Variants in CNTNAP5 observed in about 807,000 individuals in gnomAD.
The protein encoded by CNTNAP5 is contactin-associated protein-like 5.
Under a neutral mutation model 150.2 loss-of-function variants are expected in CNTNAP5, and 72 were observed. The observed-to-expected ratio is 0.48, with a 90% CI of 0.40 to 0.58. The LOEUF is 0.58. Ranked by LOEUF, CNTNAP5 falls within the 20% of genes least tolerant of loss-of-function variation. The pLI is 0.00. For missense variants in CNTNAP5, 1,636 were observed against 1,626.2 expected, an observed-to-expected ratio of 1.01 and a Z score of -0.10; for synonymous variants, 672 against 619.8, an observed-to-expected ratio of 1.08 and a Z score of -1.25.
At chr2:124,909,826 CAT>C (rs368913883) in intron 22 of CNTNAP5, among the ~76,000 whole-genome samples, 2,089 of 74,598 alleles carry the variant, frequency 0.028, 32 homozygotes, top group African/African-American at 0.043. Flanking sequence ...CAATTGGTGA[CAT>C]ATATATATAT....
chr2:124,177,959 G>T (rs1157496572), intron 1 of CNTNAP5, among the ~76,000 whole-genome samples: 1 of 151,362 alleles, frequency 6.6e-6, no homozygotes, highest in Non-Finnish European at 1.5e-5. Context: ...CAATTCTCCT[G>T]CCTCAGTCTC....
chr2:124,385,068 C>T (rs1052885281), intron 3 of CNTNAP5, among the ~76,000 whole-genome samples: 5 of 152,142 alleles, frequency 3.3e-5, no homozygotes, highest in African/African-American at 1.2e-4. Flanking sequence ...AGGCACCCAA[C>T]CCTTGAGCAA....
At chr2:124,748,965 A>G (rs1284745783) in intron 14 of CNTNAP5, among the ~76,000 whole-genome samples, 1 of 152,190 alleles carries the variant, frequency 6.6e-6, no homozygotes, top group Non-Finnish European at 1.5e-5. Flanking sequence ...GCGGATGCCT[A>G]CAAACCAACT....
intron 1 of CNTNAP5, among the ~76,000 whole-genome samples, chr2:124,058,018 A>T (rs1240892884): frequency 6.6e-6 from 1 of 152,182 alleles, no homozygotes; most frequent in Non-Finnish European, 1.5e-5. Context: ...AAATAAGTTA[A>T]TAAGCATAGC....
intron 3 of CNTNAP5, among the ~76,000 whole-genome samples, chr2:124,348,513 T>C (rs1689795457): frequency 6.6e-6 from 1 of 152,192 alleles, no homozygotes; most frequent in African/African-American, 2.4e-5. Flanking sequence ...TAAAGAAATG[T>C]TCTAATAATA....
At chr2:124,565,067 G>C (rs1281204136) in intron 11 of CNTNAP5, among the ~76,000 whole-genome samples, 1 of 152,068 alleles carries the variant, frequency 6.6e-6, no homozygotes, top group Non-Finnish European at 1.5e-5. Context: ...CCAAGGATAA[G>C]TAACGTTGAT....
chr2:124,449,686 C>A (rs1381540510), intron 6 of CNTNAP5, among the ~76,000 whole-genome samples: 2 of 152,136 alleles, frequency 1.3e-5, no homozygotes, highest in African/African-American at 4.8e-5. Flanking sequence ...AGGAAAGAGG[C>A]ACCTTGAAAC....
chr2:124,332,474 T>G (rs1689373761), intron 3 of CNTNAP5, among the ~76,000 whole-genome samples: 1 of 151,412 alleles, frequency 6.6e-6, no homozygotes, highest in Non-Finnish European at 1.5e-5. Flanking sequence ...CAATGTGGAA[T>G]AGTACATATT....
intron 1 of CNTNAP5, among the ~76,000 whole-genome samples, chr2:124,188,892 A>T (rs1685397560): frequency 6.6e-6 from 1 of 152,080 alleles, no homozygotes; most frequent in African/African-American, 2.4e-5. Context: ...GAAAAATTGG[A>T]TTAATCATAA....
At chr2:124,555,525 C>A (rs1356577383) in intron 10 of CNTNAP5, among the ~76,000 whole-genome samples, 3 of 152,206 alleles carry the variant, frequency 2.0e-5, no homozygotes, top group African/African-American at 7.2e-5. Context: ...TTGATGAACT[C>A]TTACATTTTT....
chr2:124,413,373 A>G (rs1691828474), intron 3 of CNTNAP5, among the ~76,000 whole-genome samples: 1 of 149,086 alleles, frequency 6.7e-6, no homozygotes, highest in Middle Eastern at 3.2e-3. Context: ...CAGCCATCCC[A>G]TTACTGGGTA....
intron 19 of CNTNAP5, among the ~76,000 whole-genome samples, chr2:124,822,804 A>G (rs954968436): frequency 5.3e-5 from 8 of 152,184 alleles, no homozygotes; most frequent in Non-Finnish European, 1.2e-4. Context: ...TAGACAGTGT[A>G]TGTCTTGCTA....
At chr2:124,211,104 AG>A (rs1246022491) in intron 1 of CNTNAP5, among the ~76,000 whole-genome samples, 1 of 152,222 alleles carries the variant, frequency 6.6e-6, no homozygotes, top group Middle Eastern at 3.2e-3. Context: ...TTGGAGCATA[AG>A]TAATGCATAA....
Position 124,036,492 on chromosome 2 carries a change from G to A in CNTNAP5, c.82+10760G>A, listed in dbSNP as rs74915150. Among the ~76,000 whole-genome samples, 137 of 152,154 alleles carry A rather than the reference G, an allele frequency of 9.0e-4. 4 individuals carry two copies. The East Asian group carries it at 0.025, about 28-fold the overall frequency. ...ACCTTTGAGTGAATGTGCTCTGTCA[G>A]TTGACAGTAATGGGGTCAACCAGGG... On this transcript the variant is annotated intron_variant, in intron 1 of 23. Coordinates refer to ENST00000682447, the MANE Select transcript of CNTNAP5 (RefSeq NM_001367498.1).
chr2:124,561,373 A>G (rs753526304), intron 10 of CNTNAP5, among the ~76,000 whole-genome samples: 1 of 152,134 alleles, frequency 6.6e-6, no homozygotes, highest in African/African-American at 2.4e-5. Context: ...TCAAGGCTCT[A>G]AGTTTTTGGA....
At chr2:124,448,743 G>A (rs142842863) in intron 6 of CNTNAP5, among the ~76,000 whole-genome samples, 3 of 150,024 alleles carry the variant, frequency 2.0e-5, no homozygotes, top group Non-Finnish European at 4.4e-5. Context: ...ATATGACAGA[G>A]ACTCTAAGTG....
chr2:124,883,605 T>C (rs990784418), intron 21 of CNTNAP5, among the ~76,000 whole-genome samples: 5 of 152,146 alleles, frequency 3.3e-5, no homozygotes, highest in African/African-American at 1.2e-4. Flanking sequence ...TATACATGTA[T>C]ATGTATGTCC....
chr2:124,051,728 T>C (rs1040355690), intron 1 of CNTNAP5, among the ~76,000 whole-genome samples: 1 of 152,212 alleles, frequency 6.6e-6, no homozygotes, highest in Admixed American at 6.5e-5. Context: ...AAAATGGCTA[T>C]AGTGGTGTCC....
chr2:124,657,311 A>G (rs762222943), intron 13 of CNTNAP5, among the ~76,000 whole-genome samples: 1 of 151,874 alleles, frequency 6.6e-6, no homozygotes, highest in Non-Finnish European at 1.5e-5. Flanking sequence ...ACCCAAATCC[A>G]CTCATCTGCT....
Sources: gnomAD v4.1 joint callset for allele counts (sites outside exome capture counted in the v4.1 genomes callset) on GRCh38, gnomAD v4.1.1 for gene constraint, MANE v1.5 for transcripts, NCBI Gene and HGNC (gene_info 2026-07-23, HGNC 2026-07-21) for gene names.